The following GIPC2 variants were observed in gnomAD, a reference collection of about 807,000 sequenced individuals.
GIPC2 encodes the protein GIPC PDZ domain containing family member 2.
Under a neutral mutation model 30.6 loss-of-function variants are expected in GIPC2, and 30 were observed. The ratio of observed to expected loss-of-function variants is 0.98; its 90% CI spans 0.73 to 1.33. The LOEUF (loss-of-function observed/expected upper bound fraction) is 1.33, where lower values mean the gene tolerates loss of function less well. Ranked by LOEUF, GIPC2 falls within the 40% of genes most tolerant of loss-of-function variation. The pLI is 0.00. For synonymous variants in GIPC2, 167 were observed against 150.0 expected (o/e 1.11, Z -0.83); for missense variants, 414 against 390.3 (o/e 1.06, Z -0.51).
chr1:78,087,198 A>G (rs1178319104), intron 2 of GIPC2, among the ~76,000 whole-genome samples: 3 of 152,222 alleles, frequency 2.0e-5, no homozygotes, highest in African/African-American at 7.2e-5. Flanking sequence ...TGCTATTCCT[A>G]TCAAATTACC....
chr1:78,066,900 G>A (rs1402561735), intron 1 of GIPC2, among the ~76,000 whole-genome samples: 2 of 152,178 alleles, frequency 1.3e-5, no homozygotes, highest in African/African-American at 4.8e-5. Flanking sequence ...AGGATGGGAG[G>A]AGGGAGAAGA....
chr1:78,093,812 C>T (rs1662087453), intron 2 of GIPC2, among the ~76,000 whole-genome samples: 1 of 152,124 alleles, frequency 6.6e-6, no homozygotes, highest in African/African-American at 2.4e-5. Context: ...AGATTATGGC[C>T]TTCATTTTGC....
chr1:78,062,720 C>T (rs1425238756), intron 1 of GIPC2, among the ~76,000 whole-genome samples: 1 of 151,072 alleles, frequency 6.6e-6, no homozygotes, highest in Non-Finnish European at 1.5e-5. Flanking sequence ...CATCATGTGG[C>T]CCAGGCTGGT....
intron 3 of GIPC2, among the ~76,000 whole-genome samples, chr1:78,099,975 T>C (rs749699636): frequency 1.3e-5 from 2 of 152,142 alleles, no homozygotes; most frequent in Non-Finnish European, 2.9e-5. Flanking sequence ...AGAACAAATA[T>C]ATCAAGGGCC....
intron 5 of GIPC2, among the ~76,000 whole-genome samples, chr1:78,130,575 C>T (rs1662874867): frequency 6.6e-6 from 1 of 152,094 alleles, no homozygotes; most frequent in Admixed American, 6.6e-5. Context: ...TATAAAAAGT[C>T]TTAGGAAAAG....
At chr1:78,126,600 G>A (rs188472064) in intron 5 of GIPC2, among the ~76,000 whole-genome samples, 16 of 151,848 alleles carry the variant, frequency 1.1e-4, no homozygotes, top group Admixed American at 3.3e-4. Flanking sequence ...AAAGTCTAGC[G>A]CTAGACCTTG....
At chr1:78,097,936 T>G (rs1444460821) in intron 3 of GIPC2, among the ~76,000 whole-genome samples, 2 of 152,166 alleles carry the variant, frequency 1.3e-5, no homozygotes, top group African/African-American at 2.4e-5. Context: ...ATCTTGATAA[T>G]GGGGAAGGCA....
At chr1:78,115,158 A>C (rs994689054) in intron 3 of GIPC2, among the ~76,000 whole-genome samples, 3 of 151,922 alleles carry the variant, frequency 2.0e-5, no homozygotes, top group Non-Finnish European at 4.4e-5. Flanking sequence ...TGTAAGTCCC[A>C]GAAACCTTTT....
At chr1:78,061,941 A>G (rs1328544770) in intron 1 of GIPC2, among the ~76,000 whole-genome samples, 2 of 152,140 alleles carry the variant, frequency 1.3e-5, no homozygotes, top group African/African-American at 4.8e-5. Flanking sequence ...TTAGAAACAT[A>G]TTTGACCCTC....
At chr1:78,112,281 C>G (rs1662479659) in intron 3 of GIPC2, among the ~76,000 whole-genome samples, 1 of 152,224 alleles carries the variant, frequency 6.6e-6, no homozygotes, top group Non-Finnish European at 1.5e-5. Context: ...GGCCCTCAGC[C>G]CACTACAGTG....
chr1:78,126,327 C>T (rs1662781590), intron 5 of GIPC2, among the ~76,000 whole-genome samples: 1 of 152,036 alleles, frequency 6.6e-6, no homozygotes, highest in Non-Finnish European at 1.5e-5. Flanking sequence ...GAATTGCACC[C>T]TTTAACAGGG....
chr1:78,133,762 G>A (rs1159399130), intron 5 of GIPC2, among the ~76,000 whole-genome samples: 1 of 145,304 alleles, frequency 6.9e-6, no homozygotes, highest in Non-Finnish European at 1.5e-5. Context: ...GTGTGTGTGT[G>A]TGTGTGTGTG....
intron 1 of GIPC2, among the ~76,000 whole-genome samples, chr1:78,064,788 A>T (rs933306953): frequency 3.4e-5 from 5 of 145,140 alleles, no homozygotes; most frequent in African/African-American, 7.7e-5. Flanking sequence ...TTGTTGCCCA[A>T]GCTGGAGTGT....
chr1:78,058,337 A>G (rs958605683), intron 1 of GIPC2, among the ~76,000 whole-genome samples: 4 of 152,202 alleles, frequency 2.6e-5, no homozygotes, highest in South Asian at 2.1e-4. Flanking sequence ...AATGGTAGTT[A>G]TAATTGTAGA....
intron 1 of GIPC2, among the ~76,000 whole-genome samples, chr1:78,075,405 A>G (rs990319279): frequency 6.6e-6 from 1 of 152,214 alleles, no homozygotes; most frequent in Admixed American, 6.6e-5. Flanking sequence ...GCAGTAAACC[A>G]TGATCACACT....
At chr1:78,068,525 G>A (rs1338673624) in intron 1 of GIPC2, among the ~76,000 whole-genome samples, 1 of 152,156 alleles carries the variant, frequency 6.6e-6, no homozygotes, top group Non-Finnish European at 1.5e-5. Flanking sequence ...ATATAAACAG[G>A]TTAGTGTAAA....
rs554720659 is a variant in GIPC2 at position 78,129,399 on chromosome 1, G to C, written c.796+3437G>C. Among the ~76,000 whole-genome samples, 5 of 152,246 alleles carry C rather than the reference G, an allele frequency of 3.3e-5. No homozygotes were observed. In the South Asian group the frequency reaches 1.0e-3, roughly 32 times the overall value. ...TCAGTATTTCTTAGCTTTCAGAAAT[G>C]TTAATTCTTAATGCAAATTACACTG... On this transcript the variant is annotated intron_variant, in intron 5 of 5. Transcript: ENST00000370759.
At chr1:78,046,673 A>G (rs1482037325) in intron 1 of GIPC2, among the ~76,000 whole-genome samples, 1 of 151,740 alleles carries the variant, frequency 6.6e-6, no homozygotes. Flanking sequence ...ACCTTCCCAG[A>G]CTCGAGATCT....
rs185582573 is a variant in GIPC2 at position 78,102,733 on chromosome 1, A to C, written c.607+7601A>C. ...AAATGATTAAACATGAAAGAATCAT[A>C]GAGCAGTCCCTGGTATATAGTAAGT... On this transcript the variant is annotated intron_variant, in intron 3 of 5. Transcript: ENST00000370759. Among the ~76,000 whole-genome samples, 312 of 152,376 alleles carry C rather than the reference A, an allele frequency of 2.0e-3. 4 individuals are homozygous for C. Among genetic ancestry groups the C allele is most frequent in the African/African-American group, 6.7e-3 (280 of 41,596 alleles).
Sources: gnomAD v4.1 joint callset for allele counts (sites outside exome capture counted in the v4.1 genomes callset) on GRCh38, gnomAD v4.1.1 for gene constraint, MANE v1.5 for transcripts, NCBI Gene and HGNC (gene_info 2026-07-23, HGNC 2026-07-21) for gene names.